The following LIPA variants were observed in gnomAD, a reference collection of about 807,000 sequenced individuals.
The protein encoded by LIPA is lysosomal acid lipase/cholesteryl ester hydrolase.
A neutral mutation model predicts 40.6 loss-of-function variants in LIPA; 26 were observed. The observed-to-expected ratio is 0.64, with a 90% confidence interval of 0.47 to 0.89. The LOEUF is 0.89. Ranked by LOEUF, LIPA falls within the 40% of genes least tolerant of loss-of-function variation. LIPA has a pLI of 0.00. For synonymous variants in LIPA, 188 were observed against 168.4 expected, an observed-to-expected ratio of 1.12 and a Z score of -0.90; for missense variants, 455 against 479.6, an observed-to-expected ratio of 0.95 and a Z score of 0.48.
At chr10:89,289,792 T>C (rs892475102) in intron 1 of LIPA, among the ~76,000 whole-genome samples, 2 of 152,186 alleles carry the variant, frequency 1.3e-5, no homozygotes. Flanking sequence ...GATGAAGTCC[T>C]ATTCTTTACT....
chr10:89,223,767 C>T lies in LIPA; in HGVS notation c.739G>A (p.Val247Ile), dbSNP rs750153287. 28 of 1,613,614 alleles carry T rather than the reference C, an allele frequency of 1.7e-5. No individual in the cohort carries two copies. The highest frequency in any genetic ancestry group is 1.6e-4 in the Middle Eastern group (1 of 6,080). The part of the protein sequence containing the change: ...SAFLKWLGTH[V>I]CTHVILKELC... ...TCCTTCAGTATGACATGAGTGCAAA[C>T]GTGGGTACCCAGCCACTTCAAAAAC... The change falls in exon 7 of 10, where the codon GTT (valine) becomes ATT (isoleucine). Residue 247 changes from valine to isoleucine, a missense_variant. Transcript: ENST00000336233.
At chr10:89,260,410 G>A (rs866546526) in intron 1 of LIPA, among the ~76,000 whole-genome samples, 2 of 152,310 alleles carry the variant, frequency 1.3e-5, no homozygotes, top group Non-Finnish European at 2.9e-5. Context: ...GAGAAGCTGG[G>A]GAACCTGAGG....
rs750020175 is a variant in LIPA, at chr10:89,225,259, T to G, written c.539-31A>C. The stretch of plus-strand genomic sequence containing the variant: ...AGAACAAAGGACAGAAAACAGGAAT[T>G]CCATCATCTGGGATTTCCTTCTCAG... On this transcript the variant is annotated intron_variant, in intron 5 of 9. Coordinates refer to ENST00000336233, the MANE Select transcript of LIPA (RefSeq NM_000235.4). 7.4e-6 allele frequency: 12 copies of G among 1,613,644 alleles called. No homozygotes were observed. The South Asian group carries it at 1.3e-4, about 18-fold the overall frequency.
chr10:89,412,334 C>T (rs910098511), intron 2 of LIPA, among the ~76,000 whole-genome samples: 1 of 152,006 alleles, frequency 6.6e-6, no homozygotes, highest in Non-Finnish European at 1.5e-5. Flanking sequence ...TGTAAACGCA[C>T]CAATCAGCAC....
chr10:89,281,732 A>G (rs1343953170), intron 1 of LIPA, among the ~76,000 whole-genome samples: 2 of 152,242 alleles, frequency 1.3e-5, no homozygotes, highest in Non-Finnish European at 2.9e-5. Flanking sequence ...TCAGTTTGGA[A>G]CCAGTTTAGG....
chr10:89,228,869 G>A (rs758623131), intron 3 of LIPA, among the ~76,000 whole-genome samples: 1 of 152,212 alleles, frequency 6.6e-6, no homozygotes, highest in Non-Finnish European at 1.5e-5. Context: ...CTGCTGAAGA[G>A]GATGTGGAGG....
intron 1 of LIPA, among the ~76,000 whole-genome samples, chr10:89,325,772 G>C: frequency 6.6e-6 from 1 of 152,020 alleles, no homozygotes; most frequent in African/African-American, 2.4e-5. Flanking sequence ...CTTATGAGTG[G>C]GGTGACTAAA....
chr10:89,403,299 G>T, intron 2 of LIPA: 1 of 1,614,070 alleles, frequency 6.2e-7, no homozygotes. Flanking sequence ...ATTTGAGGTG[G>T]CTCATCTAGA....
At chr10:89,286,254 C>T (rs1265729442) in intron 1 of LIPA, among the ~76,000 whole-genome samples, 1 of 152,108 alleles carries the variant, frequency 6.6e-6, no homozygotes, top group Non-Finnish European at 1.5e-5. Context: ...CTGCCTGTCC[C>T]CTCAGTTCCA....
intron 1 of LIPA, among the ~76,000 whole-genome samples, chr10:89,248,879 G>A (rs1292874318): frequency 6.6e-6 from 1 of 152,122 alleles, no homozygotes. Flanking sequence ...TAACCCCAAA[G>A]TTAAAAACAA....
chr10:89,402,472 G>A (rs903156928), intron 2 of LIPA: 1 of 1,614,148 alleles, frequency 6.2e-7, no homozygotes, highest in African/African-American at 1.3e-5. Flanking sequence ...CACCTGAAAG[G>A]CCAGAATGAG....
chr10:89,330,525 A>G (rs1345466749), intron 1 of LIPA, among the ~76,000 whole-genome samples: 1 of 152,252 alleles, frequency 6.6e-6, no homozygotes, highest in Non-Finnish European at 1.5e-5. Flanking sequence ...CCCATGCCTT[A>G]GAGTGGCCAA....
intron 1 of LIPA, among the ~76,000 whole-genome samples, chr10:89,310,025 T>G (rs1205665078): frequency 1.3e-5 from 2 of 152,228 alleles, no homozygotes; most frequent in Non-Finnish European, 2.9e-5. Context: ...TATCCATCAA[T>G]GACCATTGCC....
At chr10:89,216,038 T>A (rs1311617504) in intron 8 of LIPA, 29 bp from the exon 9 acceptor site, 1 of 1,451,680 alleles carries the variant, frequency 6.9e-7, no homozygotes, top group East Asian at 2.3e-5. Flanking sequence ...GGAAAAGAGT[T>A]ATCTGACACC....
chr10:89,283,761 T>G (rs1438830322), intron 1 of LIPA: 1 of 152,252 alleles, frequency 6.6e-6, no homozygotes, highest in African/African-American at 2.4e-5. Context: ...CATAAAGGTA[T>G]CCTTCATCAG....
chr10:89,384,457 T>TACCACTACG, intron 2 of LIPA: 1 of 1,614,202 alleles, frequency 6.2e-7, no homozygotes, highest in African/African-American at 1.3e-5. Context: ...AGAGATTCAT[T>TACCACTACG]ACCACTACGG....
intron 2 of LIPA, among the ~76,000 whole-genome samples, chr10:89,407,756 C>T (rs377127340): frequency 6.6e-6 from 1 of 152,036 alleles, no homozygotes; most frequent in Non-Finnish European, 1.5e-5. Context: ...GAGAATGCGT[C>T]GGTAAGGGCC....
chr10:89,257,951 C>T (rs577263221), intron 1 of LIPA, among the ~76,000 whole-genome samples: 3 of 152,190 alleles, frequency 2.0e-5, no homozygotes, highest in Non-Finnish European at 4.4e-5. Flanking sequence ...ATCCCCAAGG[C>T]TCACACAAAA....
At position 89,333,512 on chromosome 10, in the gene LIPA, G is replaced by C. The variant is rs139371071; in HGVS notation, c.-2+9099C>G. ...AGGAGGAAACCCCAAGAGGCAGGAGGGGGGAGGGGTGGGAAGAATGTTGAA... is the reference window on the plus strand; with the variant it reads ...AGGAGGAAACCCCAAGAGGCAGGAGCGGGGAGGGGTGGGAAGAATGTTGAA... On this transcript the variant is annotated intron_variant, in intron 1 of 5. Transcript: ENST00000282673. Among the ~76,000 whole-genome samples the C allele has an allele frequency of 4.6e-3, 702 of 152,200 alleles. 9 individuals carry two copies. The highest frequency in any genetic ancestry group is 0.03 in the South Asian group (143 of 4,814).
Sources: gnomAD v4.1 joint callset for allele counts (sites outside exome capture counted in the v4.1 genomes callset) on GRCh38, gnomAD v4.1.1 for gene constraint, MANE v1.5 for transcripts, NCBI Gene and HGNC (gene_info 2026-07-23, HGNC 2026-07-21) for gene names.